The following FANCL variants were observed in gnomAD, a reference collection of about 807,000 sequenced individuals.
FANCL encodes the protein E3 ubiquitin-protein ligase FANCL.
Under a neutral mutation model 59.4 loss-of-function variants are expected in FANCL, and 69 were observed. The ratio of observed to expected loss-of-function variants is 1.16; its 90% CI spans 0.96 to 1.42. The LOEUF is 1.42. Ranked by LOEUF, FANCL falls within the 40% of genes most tolerant of loss-of-function variation. The probability of loss-of-function intolerance (pLI) is 0.00; values close to 1 mark genes in which losing one functional copy is unlikely to be tolerated. For missense variants in FANCL, 519 were observed against 447.2 expected (o/e 1.16, Z -1.45); for synonymous variants, 180 against 147.1 (o/e 1.22, Z -1.62).
At chr2:58,223,657 T>C (rs1031452122) in intron 4 of FANCL, among the ~76,000 whole-genome samples, 3 of 151,968 alleles carry the variant, frequency 2.0e-5, no homozygotes, top group Admixed American at 6.5e-5. Flanking sequence ...AAGTTTTAAA[T>C]ACTGACTTTA....
chr2:58,163,368 A>C, intron 9 of FANCL, 66 bp downstream of exon 9: 1 of 1,091,254 alleles, frequency 9.2e-7, no homozygotes, highest in Non-Finnish European at 1.4e-6. Flanking sequence ...TTGTCTAATA[A>C]TTTAACAATG....
At position 58,174,752 on chromosome 2, in the gene FANCL, T is replaced by C. The variant is rs979954252; in HGVS notation, c.541-8878A>G. Among the ~76,000 whole-genome samples, 11 of 152,098 alleles carry C rather than the reference T, an allele frequency of 7.2e-5. No individual in the cohort carries two copies. The East Asian group carries it at 1.5e-3, about 21-fold the overall frequency. On this transcript the variant is annotated intron_variant, in intron 7 of 13. Transcript: ENST00000233741. Reference sequence around the variant, plus strand: ...AACTAGAAAAGCAAGAGCAAACACATTCAAAAGCTACCAGAAGGCAAGAAA... The same window carrying C: ...AACTAGAAAAGCAAGAGCAAACACACTCAAAAGCTACCAGAAGGCAAGAAA...
At chr2:58,204,038 T>C in intron 6 of FANCL, 92 bp downstream of exon 6, 1 of 953,282 alleles carries the variant, frequency 1.0e-6, no homozygotes, top group Non-Finnish European at 1.7e-6. Flanking sequence ...TATTTTTAGA[T>C]GTAACTAGCA....
chr2:58,163,251 A>C, intron 9 of FANCL, 177 bp from the exon 10 acceptor site: 2 of 734,806 alleles, frequency 2.7e-6, no homozygotes, highest in Non-Finnish European at 4.6e-6. Flanking sequence ...TAAAATAACT[A>C]TCATTATTGC....
At chr2:58,220,088 C>T (rs151315563) in intron 5 of FANCL, among the ~76,000 whole-genome samples, 1,800 of 152,266 alleles carry the variant, frequency 0.012, 33 homozygotes, top group African/African-American at 0.038. Context: ...AGACTTTAAG[C>T]AGTCCATCTG....
intron 5 of FANCL, among the ~76,000 whole-genome samples, chr2:58,206,297 A>C (rs1305415104): frequency 1.3e-5 from 2 of 152,012 alleles, no homozygotes; most frequent in Non-Finnish European, 2.9e-5. Flanking sequence ...TAATTCCTAA[A>C]AAATAAAGAA....
At chr2:58,198,719 G>A (rs1407431449) in intron 6 of FANCL, 57 bp from the exon 7 acceptor site, 20 of 1,396,310 alleles carry the variant, frequency 1.4e-5, no homozygotes, top group Non-Finnish European at 1.9e-5. Flanking sequence ...ATATCACTGA[G>A]GTATTTTAGA....
In FANCL at chr2:58,159,285, A is replaced by C; in HGVS notation, c.*480T>G. On this transcript the variant is annotated 3_prime_UTR_variant, in exon 14 of 14. Coordinates refer to ENST00000233741, the MANE Select transcript of FANCL (RefSeq NM_018062.4). ...TTTATTTAGCATTCTTACACACTAC[A>C]CAAAATAAATACTTGGATAACTCAC... 1 of 1,309,380 alleles carries C rather than the reference A, an allele frequency of 7.6e-7. No individual in the cohort carries two copies. Among genetic ancestry groups the C allele is most frequent in the African/African-American group, 1.5e-5 (1 of 67,672 alleles). 81.1% of individuals were successfully genotyped at this position (1,309,380 alleles called of 1,614,324 possible).
At chr2:58,165,606 A>C in intron 8 of FANCL, 118 bp downstream of exon 8, 1 of 1,335,450 alleles carries the variant, frequency 7.5e-7, no homozygotes, top group Middle Eastern at 1.8e-4. Flanking sequence ...TTATACTAGA[A>C]AATTTTAATA....
rs1442784677 is a variant in FANCL, at chr2:58,198,581, G to A, written c.540+13C>T. On this transcript the variant is annotated intron_variant, in intron 7 of 13. Coordinates refer to ENST00000233741, the MANE Select transcript of FANCL (RefSeq NM_018062.4). ...TTAAAACAAATTTAAGAATTTACCTGAGGAGAATTTACCTGAGGTGTCCAG... is the reference window on the plus strand; with the variant it reads ...TTAAAACAAATTTAAGAATTTACCTAAGGAGAATTTACCTGAGGTGTCCAG... The A allele has an allele frequency of 5.6e-6, 9 of 1,604,938 alleles. No individual in the cohort carries two copies. The South Asian group carries it at 9.9e-5, about 18-fold the overall frequency.
chr2:58,170,277 C>T (rs76013817), intron 7 of FANCL, among the ~76,000 whole-genome samples: 11,073 of 152,144 alleles, frequency 0.073, 1,341 homozygotes, highest in African/African-American at 0.25. Flanking sequence ...TTTCCTATCC[C>T]GCCAAACTAA....
At chr2:58,197,239 C>CA (rs1573667878) in intron 7 of FANCL, among the ~76,000 whole-genome samples, 2 of 151,202 alleles carry the variant, frequency 1.3e-5, no homozygotes, top group East Asian at 3.9e-4. Context: ...TTGGCCTTGA[C>CA]AAGACTATTT....
At chr2:58,206,506 A>T (rs1404287892) in intron 5 of FANCL, among the ~76,000 whole-genome samples, 1 of 152,036 alleles carries the variant, frequency 6.6e-6, no homozygotes, top group Non-Finnish European at 1.5e-5. Flanking sequence ...GGGTGGAAGA[A>T]AAAACTACAT....
At chr2:58,172,017 C>T (rs1034251188) in intron 7 of FANCL, among the ~76,000 whole-genome samples, 1 of 152,228 alleles carries the variant, frequency 6.6e-6, no homozygotes. Flanking sequence ...AGTCTAAGAT[C>T]AAACTGCAAG....
At position 58,220,156 on chromosome 2, in the gene FANCL, C is replaced by T. The variant is rs752015879; in HGVS notation, c.374+1786G>A. Among the ~76,000 whole-genome samples the T allele has an allele frequency of 1.4e-4, 21 of 152,196 alleles. 1 individual carries two copies. The highest frequency in any genetic ancestry group is 8.3e-4 in the South Asian group (4 of 4,824). On this transcript the variant is annotated intron_variant, in intron 5 of 13. Transcript: ENST00000233741. ...TAGTAAGGTTTTAACAGTTGAAATCCGAGGCTGTAATTTTTATCAAGACCA... is the reference window on the plus strand; with the variant it reads ...TAGTAAGGTTTTAACAGTTGAAATCTGAGGCTGTAATTTTTATCAAGACCA...
At position 58,237,239 on chromosome 2, in the gene FANCL, A is replaced by G. The variant is rs1372904626; in HGVS notation, c.96+3979T>C. On this transcript the variant is annotated intron_variant, in intron 1 of 13. Transcript: ENST00000233741. ...TTATTGGTCATAAAATTAAGGCTCA[A>G]TAAATATTTTAAAAATTTAAATCAT... 3.3e-5 allele frequency among the ~76,000 whole-genome samples: 5 copies of G among 152,302 alleles called. No individual in the cohort carries two copies. The East Asian group carries it at 7.7e-4, about 23-fold the overall frequency.
intron 11 of FANCL, among the ~76,000 whole-genome samples, chr2:58,162,539 CAA>C (rs1685350303): frequency 6.6e-6 from 1 of 151,656 alleles, no homozygotes; most frequent in African/African-American, 2.4e-5. Context: ...ACAGTACTGA[CAA>C]GATGCAGAAC....
intron 5 of FANCL, among the ~76,000 whole-genome samples, chr2:58,207,542 A>G (rs963543365): frequency 6.6e-6 from 1 of 152,198 alleles, no homozygotes; most frequent in Non-Finnish European, 1.5e-5. Context: ...CTACCTCTGA[A>G]TTGTTAAATG....
At chr2:58,185,438 A>G (rs1046662253) in intron 7 of FANCL, among the ~76,000 whole-genome samples, 4 of 152,170 alleles carry the variant, frequency 2.6e-5, no homozygotes, top group Non-Finnish European at 4.4e-5. Context: ...TCCAACTAGC[A>G]TATCTGACAT....
Sources: allele counts gnomAD v4.1 joint callset (sites outside exome capture counted in the v4.1 genomes callset), GRCh38; gene constraint gnomAD v4.1.1; transcripts MANE v1.5; gene names NCBI Gene and HGNC (gene_info 2026-07-23, HGNC 2026-07-21).